TRPM6: variants seen among roughly 807,000 people sequenced by gnomAD.
The protein encoded by TRPM6 is channel kinase 2.
In TRPM6, 111 loss-of-function variants were observed where a neutral mutation model predicts 247.6. The ratio of observed to expected loss-of-function variants is 0.45; its 90% CI spans 0.38 to 0.52. The LOEUF (loss-of-function observed/expected upper bound fraction) is 0.52. Ranked by LOEUF, TRPM6 falls within the 20% of genes least tolerant of loss-of-function variation. The probability of loss-of-function intolerance (pLI) is 0.00; values close to 1 mark genes in which losing one functional copy is unlikely to be tolerated. For synonymous variants in TRPM6, 892 were observed against 853.8 expected, an observed-to-expected ratio of 1.04 and a Z score of -0.78; for missense variants, 2,126 against 2,421.5, an observed-to-expected ratio of 0.88 and a Z score of 2.56.
chr9:74,874,521 G>A (rs1021683403), intron 1 of TRPM6, among the ~76,000 whole-genome samples: 3 of 152,070 alleles, frequency 2.0e-5, no homozygotes, highest in African/African-American at 7.2e-5. Context: ...ACTGAGGACC[G>A]CAACTCCAGA....
chr9:74,744,218 T>G (rs1480584278), intron 31 of TRPM6, 73 bp from the exon 32 acceptor site: 1 of 1,475,380 alleles, frequency 6.8e-7, no homozygotes, highest in Non-Finnish European at 9.5e-7. Flanking sequence ...ATATATTGCC[T>G]TCAAAGTTAT....
chr9:74,844,098 T>C (rs1487304896), intron 3 of TRPM6, among the ~76,000 whole-genome samples: 1 of 152,344 alleles, frequency 6.6e-6, no homozygotes, highest in East Asian at 1.9e-4. Context: ...GTTCTATTTA[T>C]AGAGCACAAG....
At chr9:74,728,398 A>C (rs1258433288) in intron 37 of TRPM6, 53 bp from the exon 38 acceptor site, 6 of 1,308,330 alleles carry the variant, frequency 4.6e-6, no homozygotes, top group African/African-American at 2.9e-5. Flanking sequence ...AAAGGAGCTC[A>C]ACTAGGATTC....
At chr9:74,802,902 C>A (rs1828395041) in intron 15 of TRPM6, among the ~76,000 whole-genome samples, 1 of 152,150 alleles carries the variant, frequency 6.6e-6, no homozygotes, top group Non-Finnish European at 1.5e-5. Flanking sequence ...GCTCATCATA[C>A]TGCACTACGG....
chr9:74,798,368 T>C (rs1828177334), intron 17 of TRPM6, among the ~76,000 whole-genome samples: 1 of 152,162 alleles, frequency 6.6e-6, no homozygotes, highest in Admixed American at 6.5e-5. Flanking sequence ...TAGGATTTTA[T>C]TTGTGTGTTT....
At chr9:74,730,265 G>A (rs1825477386) in intron 37 of TRPM6, among the ~76,000 whole-genome samples, 1 of 152,150 alleles carries the variant, frequency 6.6e-6, no homozygotes, top group Admixed American at 6.5e-5. Context: ...CTTGTCAAAT[G>A]CCCAAAACTA....
chr9:74,752,270 T>C lies in TRPM6; in HGVS notation c.4998+7A>G, dbSNP rs1158834522. ...GCTTTTTTTTTTAACTCCTAAAATATTTTTACCTCTTGAGACTGCTTTAGG... is the reference window on the plus strand; with the variant it reads ...GCTTTTTTTTTTAACTCCTAAAATACTTTTACCTCTTGAGACTGCTTTAGG... On this transcript the variant is annotated splice_region_variant and intron_variant, in intron 29 of 38. Coordinates refer to ENST00000360774, the MANE Select transcript of TRPM6 (RefSeq NM_017662.5). The C allele has an allele frequency of 6.5e-7, 1 of 1,533,196 alleles. No individual in the cohort carries two copies. The highest frequency in any genetic ancestry group is 1.1e-5 in the South Asian group (1 of 88,308). 95.0% of individuals were successfully genotyped at this position (1,533,196 alleles called of 1,614,324 possible).
intron 38 of TRPM6, 47 bp downstream of exon 38, chr9:74,728,192 T>C: frequency 7.5e-7 from 1 of 1,326,428 alleles, no homozygotes; most frequent in Non-Finnish European, 1.1e-6. Context: ...AAGGATGTTG[T>C]TCTATGAGAG....
intron 29 of TRPM6, among the ~76,000 whole-genome samples, chr9:74,751,899 T>G (rs933874844): frequency 6.6e-6 from 1 of 152,216 alleles, no homozygotes; most frequent in African/African-American, 2.4e-5. Flanking sequence ...CCCAGTAGCT[T>G]CTATATGTTG....
At chr9:74,757,906 C>A (rs184345558) in intron 27 of TRPM6, among the ~76,000 whole-genome samples, 3 of 152,096 alleles carry the variant, frequency 2.0e-5, no homozygotes, top group Non-Finnish European at 4.4e-5. Context: ...GAGCAATACT[C>A]CATCTCAAAA....
chr9:74,865,073 C>CAA (rs36103454), intron 1 of TRPM6, among the ~76,000 whole-genome samples: 1 of 123,114 alleles, frequency 8.1e-6, no homozygotes. Context: ...AATTCCCTCT[C>CAA]AAAAAAAAAA....
At chr9:74,854,087 A>G (rs1830450387) in intron 3 of TRPM6, among the ~76,000 whole-genome samples, 1 of 152,240 alleles carries the variant, frequency 6.6e-6, no homozygotes, top group East Asian at 1.9e-4. Context: ...AATGTGGTAT[A>G]TAACACAGAC....
intron 19 of TRPM6, among the ~76,000 whole-genome samples, chr9:74,789,960 CAAAAAAAAA>C (rs71368680): frequency 4.3e-4 from 28 of 65,114 alleles, no homozygotes; most frequent in African/African-American, 1.8e-3. Context: ...GACTCCATCT[CAAAAAAAAA>C]AAAAAAAAAA....
At chr9:74,880,171 C>T (rs75483556) in intron 1 of TRPM6, among the ~76,000 whole-genome samples, 3,228 of 152,094 alleles carry the variant, frequency 0.021, 130 homozygotes, top group African/African-American at 0.075. Context: ...AAAAAATAAT[C>T]TAAAGAATAA....
intron 1 of TRPM6, among the ~76,000 whole-genome samples, chr9:74,883,928 T>C (rs764709077): frequency 2.0e-5 from 3 of 152,130 alleles, no homozygotes; most frequent in Non-Finnish European, 4.4e-5. Flanking sequence ...GGTGGGTGGA[T>C]CACCTGAGGT....
chr9:74,728,207 A>G (rs1038408623), intron 38 of TRPM6, 32 bp downstream of exon 38: 1 of 1,443,764 alleles, frequency 6.9e-7, no homozygotes, highest in Admixed American at 1.7e-5. Flanking sequence ...TGAGAGATTT[A>G]CTTAGAGAAA....
At chr9:74,735,442 A>C (rs1366383211) in intron 36 of TRPM6, among the ~76,000 whole-genome samples, 1 of 152,172 alleles carries the variant, frequency 6.6e-6, no homozygotes, top group Non-Finnish European at 1.5e-5. Context: ...ACATTGGTGG[A>C]AAGAAGCTAC....
chr9:74,753,120 A>AAG (rs1312364169), intron 28 of TRPM6, among the ~76,000 whole-genome samples: 2 of 151,794 alleles, frequency 1.3e-5, no homozygotes, highest in Non-Finnish European at 2.9e-5. Context: ...CAAAAAAAAA[A>AAG]AAAAAAAAAG....
rs114665676 is a variant in TRPM6, at chr9:74,866,039, G to A, written c.34-7291C>T. On this transcript the variant is annotated intron_variant, in intron 1 of 38. Transcript: ENST00000360774. ...TGTTTGGCCAGGCATGGTGGCTCAC[G>A]CCTAGAATCCCAGCACTTTGGGAGG... 8.2e-3 allele frequency among the ~76,000 whole-genome samples: 1,255 copies of A among 152,254 alleles called. 21 individuals carry two copies. Among genetic ancestry groups the A allele is most frequent in the African/African-American group, 0.029 (1,194 of 41,530 alleles).
Sources: gnomAD v4.1 joint callset for allele counts (sites outside exome capture counted in the v4.1 genomes callset) on GRCh38, gnomAD v4.1.1 for gene constraint, MANE v1.5 for transcripts, NCBI Gene and HGNC (gene_info 2026-07-23, HGNC 2026-07-21) for gene names.